The following TENM3 variants were observed in gnomAD, a reference collection of about 807,000 sequenced individuals.
TENM3 encodes the protein teneurin transmembrane protein 3, also known as teneurin-3.
A neutral mutation model predicts 255.1 loss-of-function variants in TENM3; 63 were observed. The ratio of observed to expected loss-of-function variants is 0.25; its 90% confidence interval spans 0.20 to 0.30. TENM3 has a LOEUF of 0.30. Ranked by LOEUF, TENM3 falls within the 10% of genes least tolerant of loss-of-function variation. The probability of loss-of-function intolerance (pLI) is 1.00; values close to 1 mark genes in which losing one functional copy is unlikely to be tolerated. For synonymous variants in TENM3, 1,306 were observed against 1,322.3 expected (o/e 0.99, Z 0.27); for missense variants, 2,929 against 3,461.1 (o/e 0.85, Z 3.86).
intron 1 of TENM3, among the ~76,000 whole-genome samples, chr4:182,301,932 C>T (rs1162014324): frequency 6.6e-6 from 1 of 152,160 alleles, no homozygotes; most frequent in Non-Finnish European, 1.5e-5. Context: ...GGCTGTGCTT[C>T]CTTGGGACAC....
intron 2 of TENM3, among the ~76,000 whole-genome samples, chr4:182,341,970 A>C (rs1182788540): frequency 6.6e-6 from 1 of 152,216 alleles, no homozygotes; most frequent in Non-Finnish European, 1.5e-5. Flanking sequence ...GGTATAAAAG[A>C]GAACCAATAG....
At chr4:182,705,868 T>C (rs1259571472) in intron 12 of TENM3, among the ~76,000 whole-genome samples, 3 of 152,202 alleles carry the variant, frequency 2.0e-5, no homozygotes, top group Admixed American at 1.3e-4. Context: ...TTTTTCCTGG[T>C]TTTATCCCTA....
the TENM3 span, among the ~76,000 whole-genome samples, chr4:182,133,488 T>C: frequency 6.6e-6 from 1 of 152,198 alleles, no homozygotes; most frequent in Non-Finnish European, 1.5e-5. Flanking sequence ...TAAATAGAAC[T>C]AATACATATT....
chr4:182,117,885 T>A, the TENM3 span, among the ~76,000 whole-genome samples: 2 of 152,208 alleles, frequency 1.3e-5, no homozygotes, highest in Non-Finnish European at 2.9e-5. Flanking sequence ...TGGGAAGAAC[T>A]GACATCTTGA....
chr4:182,154,995 T>C (rs562745405), intron 1 of TENM3, among the ~76,000 whole-genome samples: 2 of 152,264 alleles, frequency 1.3e-5, no homozygotes, highest in African/African-American at 4.8e-5. Flanking sequence ...GTTTTTTTGG[T>C]CCAATAAATA....
chr4:182,482,245 G>T (rs1021049458), intron 3 of TENM3, among the ~76,000 whole-genome samples: 1 of 152,024 alleles, frequency 6.6e-6, no homozygotes, highest in African/African-American at 2.4e-5. Context: ...CTATAAATAC[G>T]TTTGGCTTAA....
chr4:182,445,241 T>TTAAC (rs1772824798), intron 3 of TENM3, among the ~76,000 whole-genome samples: 1 of 152,244 alleles, frequency 6.6e-6, no homozygotes, highest in Non-Finnish European at 1.5e-5. Flanking sequence ...GGGCACATGA[T>TTAAC]TAACTTCTCT....
intron 5 of TENM3, among the ~76,000 whole-genome samples, chr4:182,651,541 C>CA (rs909682382): frequency 2.6e-5 from 4 of 151,938 alleles, no homozygotes; most frequent in Admixed American, 6.6e-5. Context: ...AAAAAAAATA[C>CA]AAAAAATTAG....
intron 1 of TENM3, among the ~76,000 whole-genome samples, chr4:182,317,198 T>C (rs565316340): frequency 6.6e-6 from 1 of 152,348 alleles, no homozygotes; most frequent in East Asian, 1.9e-4. Context: ...CCTCAATCAC[T>C]ATTCATTATA....
chr4:181,794,416 T>A, the TENM3 span, among the ~76,000 whole-genome samples: 5 of 152,208 alleles, frequency 3.3e-5, no homozygotes, highest in Non-Finnish European at 5.9e-5. Context: ...CAACTGAAAC[T>A]TTGCACAATT....
chr4:181,972,349 G>T, the TENM3 span, among the ~76,000 whole-genome samples: 1 of 149,910 alleles, frequency 6.7e-6, no homozygotes, highest in East Asian at 2.0e-4. Flanking sequence ...AGCCAGAGAG[G>T]TCAAGGCTGC....
At chr4:182,755,655 G>T (rs567555070) in intron 22 of TENM3, among the ~76,000 whole-genome samples, 1 of 152,074 alleles carries the variant, frequency 6.6e-6, no homozygotes, top group Non-Finnish European at 1.5e-5. Context: ...TGGATAACAC[G>T]GTGAAACCCC....
chr4:182,649,028 G>A (rs1414126776), intron 5 of TENM3, among the ~76,000 whole-genome samples: 3 of 152,132 alleles, frequency 2.0e-5, no homozygotes, highest in Non-Finnish European at 4.4e-5. Context: ...TACAAATAAT[G>A]CTTCTGTGAA....
chr4:182,018,614 C>T, the TENM3 span, among the ~76,000 whole-genome samples: 2 of 152,092 alleles, frequency 1.3e-5, no homozygotes, highest in African/African-American at 2.4e-5. Context: ...AATCTTCCAT[C>T]GTATTGTTGG....
At chr4:182,798,723 C>T (rs1034002214) in intron 27 of TENM3, among the ~76,000 whole-genome samples, 3 of 152,206 alleles carry the variant, frequency 2.0e-5, no homozygotes, top group African/African-American at 7.2e-5. Flanking sequence ...CCTAAGCAGC[C>T]TTTTAAATAT....
rs111754011 is a variant in TENM3, at chr4:182,334,256, A to G, written c.232+10004A>G. Among the ~76,000 whole-genome samples, 1,358 of 152,294 alleles carry G rather than the reference A, an allele frequency of 8.9e-3. 24 individuals carry two copies. Among genetic ancestry groups the G allele is most frequent in the African/African-American group, 0.031 (1,278 of 41,562 alleles). ...ATGCTATGTGACCTAATGTGAGGGT[A>G]CCTATAAAATATTATTTAAAAAACG... On this transcript the variant is annotated intron_variant, in intron 2 of 27. Coordinates refer to ENST00000511685, the MANE Select transcript of TENM3 (RefSeq NM_001080477.4).
At chr4:182,046,919 TTC>T in the TENM3 span, among the ~76,000 whole-genome samples, 1 of 152,224 alleles carries the variant, frequency 6.6e-6, no homozygotes, top group African/African-American at 2.4e-5. Context: ...CCAAGAATTT[TTC>T]TTTTTTAATG....
chr4:182,788,747 T>C (rs1765875089), intron 24 of TENM3, among the ~76,000 whole-genome samples: 1 of 152,238 alleles, frequency 6.6e-6, no homozygotes. Context: ...TTCCAGTGTC[T>C]TTTGGGGGAG....
chr4:182,335,625 G>A (rs959841926), intron 2 of TENM3, among the ~76,000 whole-genome samples: 5 of 151,044 alleles, frequency 3.3e-5, no homozygotes, highest in Non-Finnish European at 7.4e-5. Flanking sequence ...TAGTAGGGGA[G>A]AAATTTTGCA....
Sources: gnomAD v4.1 joint callset for allele counts (sites outside exome capture counted in the v4.1 genomes callset) on GRCh38, gnomAD v4.1.1 for gene constraint, MANE v1.5 for transcripts, NCBI Gene and HGNC (gene_info 2026-07-23, HGNC 2026-07-21) for gene names.